The following TAFA1 variants were observed in gnomAD, a reference collection of about 807,000 sequenced individuals.
TAFA1 encodes the protein TAFA chemokine like family member 1.
A neutral mutation model predicts 18.5 loss-of-function variants in TAFA1; 4 were observed. The observed-to-expected ratio is 0.22, with a 90% CI of 0.11 to 0.49. The LOEUF (loss-of-function observed/expected upper bound fraction) is 0.49. Among genes scored for constraint, TAFA1 ranks in the 20% least tolerant of loss-of-function variants. TAFA1 has a pLI of 0.98. For synonymous variants in TAFA1, 56 were observed against 55.2 expected (o/e 1.01, Z -0.06); for missense variants, 147 against 169.0 (o/e 0.87, Z 0.72).
intron 2 of TAFA1, among the ~76,000 whole-genome samples, chr3:68,016,104 A>C (rs893652512): frequency 9.2e-5 from 14 of 152,190 alleles, no homozygotes; most frequent in Non-Finnish European, 1.9e-4. Flanking sequence ...CATCATTATC[A>C]ATTAAGTTTG....
intron 2 of TAFA1, among the ~76,000 whole-genome samples, chr3:68,130,050 C>T (rs188295381): frequency 7.2e-5 from 11 of 152,174 alleles, no homozygotes; most frequent in Admixed American, 3.9e-4. Flanking sequence ...TGGCACAAAG[C>T]CTTAAAGGTT....
chr3:68,152,669 C>T (rs1321486565), intron 2 of TAFA1, among the ~76,000 whole-genome samples: 1 of 152,134 alleles, frequency 6.6e-6, no homozygotes, highest in African/African-American at 2.4e-5. Context: ...CAATACTTTT[C>T]TCTTCATGTT....
chr3:68,490,860 A>G (rs2072439489), intron 3 of TAFA1, among the ~76,000 whole-genome samples: 1 of 143,098 alleles, frequency 7.0e-6, no homozygotes. Flanking sequence ...TGTGGGGGGG[A>G]CAGGGTCTTA....
intron 2 of TAFA1, among the ~76,000 whole-genome samples, chr3:68,181,711 A>G (rs1474739468): frequency 6.6e-6 from 1 of 152,210 alleles, no homozygotes; most frequent in Non-Finnish European, 1.5e-5. Context: ...CCAGAATACT[A>G]GACTCCTAAT....
intron 3 of TAFA1, among the ~76,000 whole-genome samples, chr3:68,472,681 GTTCT>G (rs2072023326): frequency 6.6e-6 from 1 of 151,952 alleles, no homozygotes; most frequent in Non-Finnish European, 1.5e-5. Flanking sequence ...GTATATAGGA[GTTCT>G]TTCTATTATT....
At chr3:68,207,050 T>C (rs1411911151) in intron 2 of TAFA1, among the ~76,000 whole-genome samples, 1 of 151,920 alleles carries the variant, frequency 6.6e-6, no homozygotes, top group Non-Finnish European at 1.5e-5. Context: ...GTAAACTAAA[T>C]GTTTGAAGTC....
intron 3 of TAFA1, among the ~76,000 whole-genome samples, chr3:68,518,341 C>A (rs1434415357): frequency 2.6e-5 from 4 of 152,110 alleles, no homozygotes; most frequent in Non-Finnish European, 5.9e-5. Context: ...TCCCTAAATT[C>A]TCCCTATGAT....
chr3:68,200,292 T>G (rs1043877693), intron 2 of TAFA1, among the ~76,000 whole-genome samples: 3 of 151,622 alleles, frequency 2.0e-5, no homozygotes, highest in African/African-American at 7.2e-5. Context: ...GTCTGTAGAT[T>G]TGTTTTCTTG....
chr3:68,058,852 C>T (rs192288135), intron 2 of TAFA1, among the ~76,000 whole-genome samples: 40 of 152,170 alleles, frequency 2.6e-4, no homozygotes, highest in Admixed American at 2.2e-3. Flanking sequence ...TCTTTGGGTT[C>T]AGTCCATAAC....
At chr3:68,219,517 C>G (rs923210839) in intron 2 of TAFA1, among the ~76,000 whole-genome samples, 3 of 152,084 alleles carry the variant, frequency 2.0e-5, no homozygotes, top group African/African-American at 7.2e-5. Flanking sequence ...CCAGGCCCAT[C>G]CAATCAGCTT....
At chr3:68,539,671 G>T (rs1575963725) in intron 4 of TAFA1, among the ~76,000 whole-genome samples, 2 of 19,454 alleles carry the variant, frequency 1.0e-4, no homozygotes, top group East Asian at 2.7e-3. Flanking sequence ...CTCTCTGTGT[G>T]TGTGTGTGGG....
chr3:68,492,105 A>T (rs2072464923), intron 3 of TAFA1, among the ~76,000 whole-genome samples: 1 of 152,184 alleles, frequency 6.6e-6, no homozygotes, highest in African/African-American at 2.4e-5. Context: ...AACATGCACC[A>T]AAAAAATAGA....
chr3:68,394,505 A>G (rs1053932510), intron 2 of TAFA1, among the ~76,000 whole-genome samples: 1 of 152,186 alleles, frequency 6.6e-6, no homozygotes, highest in Non-Finnish European at 1.5e-5. Context: ...AGGCAATCCT[A>G]AGCAAAAAGA....
chr3:68,339,510 T>C (rs921084843), intron 2 of TAFA1, among the ~76,000 whole-genome samples: 3 of 152,192 alleles, frequency 2.0e-5, no homozygotes, highest in Non-Finnish European at 4.4e-5. Context: ...TAATATATAC[T>C]ACATGAGAAA....
At chr3:68,227,791 C>G (rs980766188) in intron 2 of TAFA1, among the ~76,000 whole-genome samples, 1 of 152,130 alleles carries the variant, frequency 6.6e-6, no homozygotes, top group Non-Finnish European at 1.5e-5. Context: ...GAATTTATCA[C>G]TCAATATTGG....
intron 2 of TAFA1, among the ~76,000 whole-genome samples, chr3:68,413,679 A>G (rs754882932): frequency 8.5e-5 from 13 of 152,266 alleles, no homozygotes; most frequent in Non-Finnish European, 1.3e-4. Flanking sequence ...TTGATTTCCA[A>G]TGGGACACAC....
rs1415514797 is a variant in TAFA1, at chr3:68,226,724, T to C, written c.119-190556T>C. Among the ~76,000 whole-genome samples the C allele has an allele frequency of 4.6e-5, 7 of 152,188 alleles. 1 individual carries two copies. Among genetic ancestry groups the C allele is most frequent in the Admixed American group, 4.6e-4 (7 of 15,278 alleles). On this transcript the variant is annotated intron_variant, in intron 2 of 4. Transcript: ENST00000478136. Reference sequence around the variant, plus strand: ...TGAGATGTAGGCAGAGCATGAATTATTAGCTTTCTTTTGAAGTCAGACAAA... The same window carrying C: ...TGAGATGTAGGCAGAGCATGAATTACTAGCTTTCTTTTGAAGTCAGACAAA...
chr3:68,008,250 G>C (rs1704403255), intron 2 of TAFA1, among the ~76,000 whole-genome samples: 1 of 152,250 alleles, frequency 6.6e-6, no homozygotes, highest in African/African-American at 2.4e-5. Context: ...GTGCAGCCGA[G>C]ATGGAGGGAA....
At chr3:68,488,524 G>T (rs986847362) in intron 3 of TAFA1, among the ~76,000 whole-genome samples, 4 of 152,188 alleles carry the variant, frequency 2.6e-5, no homozygotes, top group African/African-American at 9.7e-5. Flanking sequence ...AAAGCACTGA[G>T]ACTTGGGACT....
Sources: allele counts gnomAD v4.1 joint callset (sites outside exome capture counted in the v4.1 genomes callset), GRCh38; gene constraint gnomAD v4.1.1; transcripts MANE v1.5; gene names NCBI Gene and HGNC (gene_info 2026-07-23, HGNC 2026-07-21).